Variants in RSPH1 observed in about 807,000 individuals in gnomAD.
RSPH1 encodes the protein radial spoke head 1 homolog.
Under a neutral mutation model 44.2 loss-of-function variants are expected in RSPH1, and 32 were observed. That is an observed-to-expected ratio of 0.72 (90% confidence interval 0.55 to 0.97). The LOEUF is 0.97. Ranked by LOEUF, RSPH1 falls within the 50% of genes least tolerant of loss-of-function variation. The pLI is 0.00. For synonymous variants in RSPH1, 134 were observed against 147.3 expected, an observed-to-expected ratio of 0.91 and a Z score of 0.65; for missense variants, 391 against 398.7, an observed-to-expected ratio of 0.98 and a Z score of 0.16.
At chr21:42,491,736 C>A (rs139262173) in intron 3 of RSPH1, among the ~76,000 whole-genome samples, 1 of 152,130 alleles carries the variant, frequency 6.6e-6, no homozygotes, top group Non-Finnish European at 1.5e-5. Flanking sequence ...AAAATAAGAA[C>A]CACCTACTGG....
chr21:42,493,216 T>G (rs915208098), intron 1 of RSPH1, 137 bp from the exon 2 acceptor site: 2 of 761,274 alleles, frequency 2.6e-6, no homozygotes, highest in African/African-American at 3.5e-5. Flanking sequence ...TGTCCCACCT[T>G]TCCCACCTTA....
At chr21:42,476,173 G>T (rs772415828) in intron 7 of RSPH1, 126 bp from the exon 8 acceptor site, 5 of 900,166 alleles carry the variant, frequency 5.6e-6, no homozygotes, top group Middle Eastern at 2.4e-4. Context: ...AGCACCTCAT[G>T]TTCCCCATCT....
intron 1 of RSPH1, among the ~76,000 whole-genome samples, chr21:42,494,655 G>C (rs998230272): frequency 6.6e-6 from 1 of 152,066 alleles, no homozygotes; most frequent in Non-Finnish European, 1.5e-5. Flanking sequence ...AATCTTGCTG[G>C]TCAAGTGTTG....
At position 42,472,598 on chromosome 21, in the gene RSPH1, G is replaced by A. The variant is rs1445990177; in HGVS notation, c.*220C>T. Reference sequence around the variant, plus strand: ...TAATAAAGATTGTTAACTGACAGAAGCATTTTGTTTTTGTTTATTTTTTGA... The same window carrying A: ...TAATAAAGATTGTTAACTGACAGAAACATTTTGTTTTTGTTTATTTTTTGA... On this transcript the variant is annotated 3_prime_UTR_variant, in exon 9 of 9. Transcript: ENST00000291536. The A allele has an allele frequency of 2.5e-6, 1 of 407,298 alleles. No individual in the cohort carries two copies. Among genetic ancestry groups the A allele is most frequent in the Non-Finnish European group, 4.4e-6 (1 of 229,494 alleles). The allele number at this position is 407,298 out of a possible 1,614,324, so 25.2% of individuals were successfully genotyped here.
At chr21:42,495,122 C>T (rs2054274661) in intron 1 of RSPH1, among the ~76,000 whole-genome samples, 1 of 152,252 alleles carries the variant, frequency 6.6e-6, no homozygotes, top group Non-Finnish European at 1.5e-5. Context: ...CCTAATCCAA[C>T]AGGGACTCTG....
In RSPH1 at chr21:42,496,137, A is replaced by C. The variant is rs763672241; in HGVS notation, c.50T>G (p.Ile17Ser). The C allele has an allele frequency of 4.3e-6, 7 of 1,613,784 alleles. No homozygotes were observed. Among genetic ancestry groups the C allele is most frequent in the African/African-American group, 1.3e-5 (1 of 74,856 alleles). The change falls in exon 1 of 9, where the codon ATT becomes AGT. Residue 17 changes from isoleucine to serine, a missense_variant. Coordinates refer to ENST00000291536, the MANE Select transcript of RSPH1 (RefSeq NM_080860.4). The stretch of plus-strand genomic sequence containing the variant: ...TTTCTCACCAGGAGCTCTCACCCCA[A>C]TATCATTCTCTCCCTCCTCCTCCAA... ...EELEEEGEND[I>S]GEYEGGRNEA...
At chr21:42,476,826 C>T (rs2054056752) in intron 7 of RSPH1, among the ~76,000 whole-genome samples, 1 of 152,180 alleles carries the variant, frequency 6.6e-6, no homozygotes, top group East Asian at 1.9e-4. Context: ...GAGTGTCCTC[C>T]AATCCCAAAG....
chr21:42,486,563 G>C (rs1043501925), intron 3 of RSPH1, 102 bp from the exon 4 acceptor site: 75 of 816,792 alleles, frequency 9.2e-5, no homozygotes, highest in Admixed American at 1.8e-4. Context: ...GATGTGTTGT[G>C]AAGCAAATGA....
intron 6 of RSPH1, 87 bp downstream of exon 6, chr21:42,482,550 G>A (rs2054139006): frequency 8.6e-6 from 8 of 934,768 alleles, no homozygotes; most frequent in South Asian, 1.6e-5. Flanking sequence ...ACTTTTAGGC[G>A]AATCACCTCC....
chr21:42,472,996 A>T (rs1286229781), intron 8 of RSPH1, 126 bp from the exon 9 acceptor site: 5 of 651,136 alleles, frequency 7.7e-6, no homozygotes, highest in Non-Finnish European at 7.7e-6. Context: ...ATCAGTCAAA[A>T]ATTGAATGTT....
At chr21:42,473,320 G>A (rs560231326) in intron 8 of RSPH1, among the ~76,000 whole-genome samples, 40 of 152,156 alleles carry the variant, frequency 2.6e-4, no homozygotes, top group African/African-American at 9.4e-4. Context: ...GTGAAACCCC[G>A]TCTCAACTAA....
chr21:42,486,516 G>C, intron 3 of RSPH1, 55 bp from the exon 4 acceptor site: 1 of 1,241,888 alleles, frequency 8.1e-7, no homozygotes, highest in Admixed American at 1.7e-5. Flanking sequence ...TCGATGCCCT[G>C]TACCATGTCT....
Position 42,472,764 on chromosome 21 carries a change from C to A in RSPH1, c.*54G>T. On this transcript the variant is annotated 3_prime_UTR_variant, in exon 9 of 9. Coordinates refer to ENST00000291536, the MANE Select transcript of RSPH1 (RefSeq NM_080860.4). Reference sequence around the variant, plus strand: ...AACTAGATACACACAGCACTGCACCCGGCTAACGACAGAAGCATTCTTATG... The same window carrying A: ...AACTAGATACACACAGCACTGCACCAGGCTAACGACAGAAGCATTCTTATG... The A allele has an allele frequency of 7.2e-7, 1 of 1,397,810 alleles. No homozygotes were observed. Among genetic ancestry groups the A allele is most frequent in the South Asian group, 1.2e-5 (1 of 84,722 alleles). The allele number at this position is 1,397,810 out of a possible 1,614,324, so 86.6% of individuals were successfully genotyped here.
At chr21:42,493,198 T>A in intron 1 of RSPH1, 119 bp from the exon 2 acceptor site, 1 of 829,658 alleles carries the variant, frequency 1.2e-6, no homozygotes, top group Non-Finnish European at 1.9e-6. Context: ...CCCGGCACTA[T>A]ACTCAATTGT....
intron 3 of RSPH1, among the ~76,000 whole-genome samples, chr21:42,489,259 G>A (rs2054211903): frequency 1.3e-5 from 2 of 151,818 alleles, no homozygotes; most frequent in Admixed American, 6.6e-5. Context: ...TTGGTTGGCT[G>A]GTTGGCTGGT....
In RSPH1 at chr21:42,477,361, C is replaced by A. The variant is rs1486800299; in HGVS notation, c.657G>T (p.Leu219=). ...GCTTTTTGGGGAGAGTTGGTGTCCACAGGGCCAATTCAGTGATTTGGGTAG... is the reference window on the plus strand; with the variant it reads ...GCTTTTTGGGGAGAGTTGGTGTCCAAAGGGCCAATTCAGTGATTTGGGTAG... ...WKATQITELA[L]WTPTLPKKPT... is the part of the protein sequence containing the mutation. The change falls in exon 7 of 9, where the codon CTG becomes CTT. Residue 219 remains leucine (L), a synonymous_variant. Transcript: ENST00000291536. 2 of 1,614,196 alleles carry A rather than the reference C, an allele frequency of 1.2e-6. 1 individual carries two copies.
In RSPH1 at chr21:42,485,899, G is replaced by T. The variant is rs150483282; in HGVS notation, c.366-95C>A. On this transcript the variant is annotated intron_variant, in intron 4 of 8. Coordinates refer to ENST00000291536, the MANE Select transcript of RSPH1 (RefSeq NM_080860.4). ...GACATTGACATTGAGGGAGGCCCAG[G>T]CTGTTGCAGGCTCACAAGCGATGTA... is the stretch of plus-strand genomic sequence containing the variant. 395 of 1,475,108 alleles carry T rather than the reference G, an allele frequency of 2.7e-4. No homozygotes were observed. In the African/African-American group the frequency reaches 5.0e-3, roughly 19 times the overall value. The allele number at this position is 1,475,108 out of a possible 1,614,324, so 91.4% of individuals were successfully genotyped here. A position where few individuals can be genotyped will look rare whatever the true frequency, so the allele number is the denominator to read the frequency against.
At chr21:42,482,125 C>G (rs1409530843) in intron 6 of RSPH1, among the ~76,000 whole-genome samples, 1 of 152,168 alleles carries the variant, frequency 6.6e-6, no homozygotes, top group Non-Finnish European at 1.5e-5. Context: ...ACTCTGTCGC[C>G]CAGGCTGGAG....
chr21:42,496,072 A>G, intron 1 of RSPH1, 61 bp downstream of exon 1: 3 of 1,597,898 alleles, frequency 1.9e-6, no homozygotes, highest in South Asian at 1.1e-5. Context: ...TCCAAACCCA[A>G]CCTCGAGGTT....
Sources: allele counts gnomAD v4.1 joint callset (sites outside exome capture counted in the v4.1 genomes callset), GRCh38; gene constraint gnomAD v4.1.1; transcripts MANE v1.5; gene names NCBI Gene and HGNC (gene_info 2026-07-23, HGNC 2026-07-21).